The following CFDP1 variants were observed in gnomAD, a reference collection of about 807,000 sequenced individuals.
CFDP1 encodes the protein chromatin remodeling protein CFDP1.
In CFDP1, 31 loss-of-function variants were observed where a neutral mutation model predicts 40.1. The ratio of observed to expected loss-of-function variants is 0.77; its 90% confidence interval spans 0.58 to 1.04. The LOEUF is 1.04. Among genes scored for constraint, CFDP1 ranks in the 50% least tolerant of loss-of-function variants. CFDP1 has a pLI of 0.00. For synonymous variants in CFDP1, 167 were observed against 120.0 expected (o/e 1.39, Z -2.56); for missense variants, 423 against 343.4 (o/e 1.23, Z -1.83).
intron 5 of CFDP1, among the ~76,000 whole-genome samples, chr16:75,370,175 C>T (rs2078741331): frequency 6.6e-6 from 1 of 151,930 alleles, no homozygotes; most frequent in East Asian, 1.9e-4. Flanking sequence ...TCACTGCAAC[C>T]TCTGCCTCCC....
intron 5 of CFDP1, among the ~76,000 whole-genome samples, chr16:75,388,270 G>C (rs2078917101): frequency 6.6e-6 from 1 of 152,216 alleles, no homozygotes; most frequent in African/African-American, 2.4e-5. Context: ...TTAGCATTGT[G>C]CCTTAAATGT....
intron 5 of CFDP1, chr16:75,391,543 A>G (rs1158483387): frequency 2.6e-5 from 4 of 152,264 alleles, no homozygotes; most frequent in African/African-American, 9.6e-5. Flanking sequence ...AAATCAGAGC[A>G]TATTATACAT....
chr16:75,340,111 C>A (rs1031779611), intron 5 of CFDP1, among the ~76,000 whole-genome samples: 6 of 152,172 alleles, frequency 3.9e-5, no homozygotes, highest in Non-Finnish European at 8.8e-5. Flanking sequence ...TTTTGTAAGA[C>A]AAATGTAACG....
At chr16:75,430,370 T>A (rs1295432510) in intron 1 of CFDP1, among the ~76,000 whole-genome samples, 1 of 152,070 alleles carries the variant, frequency 6.6e-6, no homozygotes, top group Non-Finnish European at 1.5e-5. Flanking sequence ...AGGGTTTCAC[T>A]ATGTTGGCCA....
At chr16:75,364,000 T>C (rs528530485) in intron 5 of CFDP1, among the ~76,000 whole-genome samples, 62 of 145,658 alleles carry the variant, frequency 4.3e-4, no homozygotes, top group Non-Finnish European at 7.7e-4. Flanking sequence ...TTGAGGTAAG[T>C]GCTACAGAAA....
chr16:75,415,724 G>A (rs973983443), intron 1 of CFDP1, among the ~76,000 whole-genome samples: 3 of 152,222 alleles, frequency 2.0e-5, no homozygotes, highest in African/African-American at 7.2e-5. Context: ...CTCCTGAACA[G>A]TAAATAGTGT....
chr16:75,386,929 A>G (rs1050520969), intron 5 of CFDP1, among the ~76,000 whole-genome samples: 8 of 152,372 alleles, frequency 5.3e-5, no homozygotes, highest in South Asian at 2.1e-4. Flanking sequence ...ATTGCCTTTA[A>G]TAGATTGAAA....
At chr16:75,344,422 A>G (rs1430386691) in intron 5 of CFDP1, among the ~76,000 whole-genome samples, 5 of 152,212 alleles carry the variant, frequency 3.3e-5, no homozygotes, top group Non-Finnish European at 5.9e-5. Flanking sequence ...AAACAAAATC[A>G]TGGGACTTAT....
intron 1 of CFDP1, 136 bp from the exon 2 acceptor site, chr16:75,414,831 C>A (rs1330418422): frequency 1.6e-6 from 1 of 627,004 alleles, no homozygotes; most frequent in Admixed American, 2.7e-5. Flanking sequence ...CTTCACCTAA[C>A]GAAAACATCA....
At chr16:75,429,308 C>T (rs2079381654) in intron 1 of CFDP1, among the ~76,000 whole-genome samples, 1 of 152,072 alleles carries the variant, frequency 6.6e-6, no homozygotes, top group Non-Finnish European at 1.5e-5. Flanking sequence ...TTCAAACAGA[C>T]AATCAATTAC....
rs192887822 is a variant in CFDP1, at chr16:75,356,002, C to G, written c.650+39088G>C. Among the ~76,000 whole-genome samples, 314 of 152,328 alleles carry G rather than the reference C, an allele frequency of 2.1e-3. 1 individual carries two copies. Among genetic ancestry groups the G allele is most frequent in the African/African-American group, 7.2e-3 (300 of 41,564 alleles). On this transcript the variant is annotated intron_variant, in intron 5 of 6. Coordinates refer to ENST00000283882, the MANE Select transcript of CFDP1 (RefSeq NM_006324.3). ...CTGCAGTTACTTCCTCTACTGAAGT[C>G]TTGAATCCCTCAAAGTTACCCATAA...
chr16:75,325,516 TATC>T (rs900557695), intron 5 of CFDP1, among the ~76,000 whole-genome samples: 2 of 152,242 alleles, frequency 1.3e-5, no homozygotes, highest in African/African-American at 4.8e-5. Flanking sequence ...GTCTTTTCTC[TATC>T]ACACTTAGCA....
chr16:75,341,583 A>T (rs772696107), intron 5 of CFDP1, among the ~76,000 whole-genome samples: 2 of 151,316 alleles, frequency 1.3e-5, no homozygotes, highest in African/African-American at 2.4e-5. Flanking sequence ...TATAAATGCA[A>T]CTCCTATGTC....
chr16:75,301,648 T>C (rs1261587418), intron 6 of CFDP1: 1 of 149,846 alleles, frequency 6.7e-6, no homozygotes, highest in Non-Finnish European at 1.5e-5. Flanking sequence ...ACTGTACCTG[T>C]CTTATGCCTC....
intron 1 of CFDP1, among the ~76,000 whole-genome samples, chr16:75,417,987 C>T (rs557910100): frequency 6.6e-6 from 1 of 152,134 alleles, no homozygotes; most frequent in East Asian, 1.9e-4. Context: ...GGAGCGGTGG[C>T]TCATGTCTGT....
At chr16:75,358,847 T>C (rs924794410) in intron 5 of CFDP1, among the ~76,000 whole-genome samples, 1 of 152,118 alleles carries the variant, frequency 6.6e-6, no homozygotes, top group African/African-American at 2.4e-5. Flanking sequence ...GTGAAGACTT[T>C]TGATTGGCAC....
At chr16:75,375,335 T>C (rs2078783946) in intron 5 of CFDP1, among the ~76,000 whole-genome samples, 2 of 152,164 alleles carry the variant, frequency 1.3e-5, no homozygotes, top group South Asian at 4.1e-4. Flanking sequence ...ATTCAGAATA[T>C]AAGAAGAACT....
rs765926154 is a variant in CFDP1 at position 75,322,762 on chromosome 16, TA to T, written c.651-17581del. Reference sequence around the variant, plus strand: ...CAACCACTAAGTAGAATACAAATATTAAAAAAAAAAAAAATCCCAAATCGGA... The same window carrying T: ...CAACCACTAAGTAGAATACAAATATTAAAAAAAAAAAAATCCCAAATCGGA... On this transcript the variant is annotated intron_variant, in intron 5 of 6. Transcript: ENST00000283882. Among the ~76,000 whole-genome samples, 1,153 of 141,986 alleles carry T rather than the reference TA, an allele frequency of 8.1e-3. 3 individuals carry two copies. Among genetic ancestry groups the T allele is most frequent in the African/African-American group, 0.018 (705 of 39,030 alleles). The allele number at this position is 141,986 out of a possible 152,430, so 93.1% of individuals were successfully genotyped here. A position where few individuals can be genotyped will look rare whatever the true frequency, so the allele number is the denominator to read the frequency against.
chr16:75,395,183 G>A lies in CFDP1; in HGVS notation c.557C>T (p.Ser186Phe), dbSNP rs1219186809. ...VRVTKEVDAT[S>F]KEAKSFFKQN... is the part of the protein sequence containing the mutation. The stretch of plus-strand genomic sequence containing the variant: ...CTTGAAGAAGGATTTGGCCTCTTTA[G>A]ATGTAGCATCCACTTCCTTAGTTAC... Residue 186 changes from serine (S) to phenylalanine (F), a missense_variant, in exon 5 of 7, where the codon TCT (serine) becomes TTT (phenylalanine). Coordinates refer to ENST00000283882, the MANE Select transcript of CFDP1 (RefSeq NM_006324.3). 1 of 1,613,316 alleles carries A rather than the reference G, an allele frequency of 6.2e-7. No individual in the cohort carries two copies. The highest frequency in any genetic ancestry group is 8.5e-7 in the Non-Finnish European group (1 of 1,179,642).
Sources: allele counts gnomAD v4.1 joint callset (sites outside exome capture counted in the v4.1 genomes callset), GRCh38; gene constraint gnomAD v4.1.1; transcripts MANE v1.5; gene names NCBI Gene and HGNC (gene_info 2026-07-23, HGNC 2026-07-21).